The following CNTN4 variants were observed in gnomAD, a reference collection of about 807,000 sequenced individuals.
The protein encoded by CNTN4 is contactin 4.
Under a neutral mutation model 122.5 loss-of-function variants are expected in CNTN4, and 77 were observed. That is an observed-to-expected ratio of 0.63 (90% confidence interval 0.52 to 0.76). The LOEUF (loss-of-function observed/expected upper bound fraction) is 0.76. Ranked by LOEUF, CNTN4 falls within the 30% of genes least tolerant of loss-of-function variation. CNTN4 has a pLI of 0.00. For synonymous variants in CNTN4, 512 were observed against 447.0 expected, an observed-to-expected ratio of 1.15 and a Z score of -1.83; for missense variants, 1,256 against 1,259.1, an observed-to-expected ratio of 1.00 and a Z score of 0.04.
chr3:2,133,582 C>T (rs913853296), intron 2 of CNTN4, among the ~76,000 whole-genome samples: 1 of 152,036 alleles, frequency 6.6e-6, no homozygotes, highest in African/African-American at 2.4e-5. Context: ...TTCTGTTTTT[C>T]CTAGCTATAC....
intron 4 of CNTN4, among the ~76,000 whole-genome samples, chr3:2,606,903 A>G (rs2081282439): frequency 6.6e-6 from 1 of 152,210 alleles, no homozygotes; most frequent in African/African-American, 2.4e-5. Flanking sequence ...TGTTGGTTAA[A>G]AATGATAACT....
At chr3:2,651,673 A>G (rs1368326964) in intron 4 of CNTN4, among the ~76,000 whole-genome samples, 1 of 151,822 alleles carries the variant, frequency 6.6e-6, no homozygotes, top group Non-Finnish European at 1.5e-5. Context: ...CAACGTAGGG[A>G]GACCTCCATC....
chr3:2,581,040 G>A (rs997779696), intron 4 of CNTN4, among the ~76,000 whole-genome samples: 1 of 152,116 alleles, frequency 6.6e-6, no homozygotes, highest in African/African-American at 2.4e-5. Flanking sequence ...CTGAACCAAT[G>A]GTTACCAAAA....
intron 17 of CNTN4, 61 bp downstream of exon 17, chr3:3,034,851 G>A (rs1699465333): frequency 9.6e-6 from 15 of 1,557,374 alleles, no homozygotes; most frequent in South Asian, 7.8e-5. Context: ...ACACAGCACT[G>A]TGGCAAGGAA....
intron 13 of CNTN4, among the ~76,000 whole-genome samples, chr3:2,944,885 G>A (rs78892579): frequency 0.029 from 4,415 of 152,244 alleles, 221 homozygotes; most frequent in African/African-American, 0.1. Flanking sequence ...CAGGTTGGTT[G>A]CAACTGGGAT....
intron 2 of CNTN4, among the ~76,000 whole-genome samples, chr3:2,285,811 G>T (rs75963080): frequency 6.6e-6 from 1 of 151,888 alleles, no homozygotes; most frequent in African/African-American, 2.4e-5. Context: ...CTGTTTTATG[G>T]CCTGTATTTC....
intron 14 of CNTN4, among the ~76,000 whole-genome samples, chr3:2,992,185 T>G (rs115134829): frequency 0.011 from 1,746 of 152,272 alleles, 37 homozygotes; most frequent in African/African-American, 0.04. Context: ...ATCACATGAA[T>G]AAATATTCAG....
chr3:2,695,771 A>C (rs184052247), intron 4 of CNTN4, among the ~76,000 whole-genome samples: 39 of 152,326 alleles, frequency 2.6e-4, no homozygotes, highest in African/African-American at 9.4e-4. Context: ...GCACTCGGGT[A>C]ATCTAGTCCA....
chr3:2,438,528 A>AC (rs200732661), intron 3 of CNTN4, among the ~76,000 whole-genome samples: 14 of 151,082 alleles, frequency 9.3e-5, no homozygotes, highest in African/African-American at 2.9e-4. Flanking sequence ...TCTCAAAACA[A>AC]CCCCCCCAAA....
At chr3:3,003,698 A>AC (rs1696282135) in intron 14 of CNTN4, among the ~76,000 whole-genome samples, 2 of 138,318 alleles carry the variant, frequency 1.4e-5, no homozygotes, top group Admixed American at 7.1e-5. Flanking sequence ...AAAAAAAAAA[A>AC]AAAAAAAAAA....
At chr3:2,656,113 C>T (rs544030480) in intron 4 of CNTN4, among the ~76,000 whole-genome samples, 18 of 152,244 alleles carry the variant, frequency 1.2e-4, no homozygotes, top group African/African-American at 4.3e-4. Context: ...AGAGTAGCAC[C>T]ATGCATCCTA....
Position 3,057,892 on chromosome 3 carries a change from T to C in CNTN4, c.*1672T>C, listed in dbSNP as rs1701913300. On this transcript the variant is annotated 3_prime_UTR_variant, in exon 25 of 25. Coordinates refer to ENST00000418658, the MANE Select transcript of CNTN4 (RefSeq NM_175607.3). ...TTCCCAACCCCAGTGTAAATGATAT[T>C]TACCAGTGATCTAGCATATGTAATC... 1 of 152,596 alleles carries C rather than the reference T, an allele frequency of 6.6e-6. No individual in the cohort carries two copies. The highest frequency in any genetic ancestry group is 2.1e-4 in the South Asian group (1 of 4,828). The allele number at this position is 152,596 out of a possible 1,614,324, so 9.5% of individuals were successfully genotyped here.
In CNTN4 at chr3:2,969,619, G is replaced by A. The variant is rs564261632; in HGVS notation, c.1359-18726G>A. ...ACAGGAAAATTGTGATCAGAGTGAC[G>A]TTGCTTCTTCCCTTTTGAATCCCCT... On this transcript the variant is annotated intron_variant, in intron 13 of 24. Transcript: ENST00000418658. 5.3e-5 allele frequency among the ~76,000 whole-genome samples: 8 copies of A among 152,216 alleles called. No homozygotes were observed. The South Asian group carries it at 6.2e-4, about 12-fold the overall frequency.
At chr3:2,234,247 G>C (rs7640993) in intron 2 of CNTN4, among the ~76,000 whole-genome samples, 80,529 of 151,366 alleles carry the variant, frequency 0.53, 21,913 homozygotes, top group African/African-American at 0.59. Context: ...GCATGGTAAC[G>C]CACACCTGTA....
chr3:2,863,080 G>T (rs1451170435), intron 7 of CNTN4, among the ~76,000 whole-genome samples: 2 of 152,152 alleles, frequency 1.3e-5, no homozygotes, highest in African/African-American at 4.8e-5. Context: ...CAAGCGATTT[G>T]TTGGGTATGT....
chr3:2,782,295 G>A (rs192482505), intron 6 of CNTN4, among the ~76,000 whole-genome samples: 2 of 151,862 alleles, frequency 1.3e-5, no homozygotes, highest in Admixed American at 6.6e-5. Flanking sequence ...TGGTAGGTGG[G>A]GGGGGGCCTT....
At chr3:2,321,199 G>A (rs930357177) in intron 2 of CNTN4, among the ~76,000 whole-genome samples, 1 of 152,104 alleles carries the variant, frequency 6.6e-6, no homozygotes, top group African/African-American at 2.4e-5. Context: ...GTCTTTGTTT[G>A]AAGCATTATC....
At position 3,040,125 on chromosome 3, in the gene CNTN4, T is replaced by C; in HGVS notation, c.2252T>C (p.Val751Ala). 6.8e-6 allele frequency: 11 copies of C among 1,614,172 alleles called. No homozygotes were observed. Among genetic ancestry groups the C allele is most frequent in the Non-Finnish European group, 7.6e-6 (9 of 1,179,990 alleles). ...PYGKMIWMLT[V>A]LASADASRYV... ...GGTAAAATGATCTGGATGCTGACAG[T>C]GCTGGCCTCAGCTGATGCCTCTAGA... Residue 751 changes from valine (V) to alanine (A), a missense_variant, in exon 20 of 25, where the codon GTG (valine) becomes GCG (alanine). Physicochemically the swap from Val to Ala is moderately conservative, Grantham distance 64. Coordinates refer to ENST00000418658, the MANE Select transcript of CNTN4 (RefSeq NM_175607.3).
At chr3:2,181,926 A>G (rs1340660817) in intron 2 of CNTN4, among the ~76,000 whole-genome samples, 1 of 152,110 alleles carries the variant, frequency 6.6e-6, no homozygotes, top group Non-Finnish European at 1.5e-5. Flanking sequence ...GTGGTGATCT[A>G]TATGTCATTG....
Sources: gnomAD v4.1 joint callset for allele counts (sites outside exome capture counted in the v4.1 genomes callset) on GRCh38, gnomAD v4.1.1 for gene constraint, MANE v1.5 for transcripts, NCBI Gene and HGNC (gene_info 2026-07-23, HGNC 2026-07-21) for gene names.